Variants in ASB11 observed in about 807,000 individuals in gnomAD.
The protein encoded by ASB11 is ankyrin repeat and SOCS box containing 11.
In ASB11, 17 loss-of-function variants were observed where a neutral mutation model predicts 20.1. The ratio of observed to expected loss-of-function variants is 0.85; its 90% CI spans 0.58 to 1.27. The LOEUF is 1.27. Ranked by LOEUF, ASB11 falls within the 50% of genes most tolerant of loss-of-function variation. The pLI, the probability that ASB11 is intolerant of heterozygous loss-of-function variation, is 0.00. For synonymous variants in ASB11, 107 were observed against 105.6 expected (o/e 1.01, Z -0.08); for missense variants, 259 against 256.9 (o/e 1.01, Z -0.06).
chrX:15,308,947 C>T (rs756260861), intron 1 of ASB11, among the ~76,000 whole-genome samples: 1 of 111,053 alleles, frequency 9.0e-6, no homozygotes, highest in Non-Finnish European at 1.9e-5. Context: ...GATGGAGTCT[C>T]GCTCTGTCCC....
intron 1 of ASB11, among the ~76,000 whole-genome samples, chrX:15,313,936 CA>C (rs1165100534): frequency 9.1e-6 from 1 of 109,435 alleles, no homozygotes; most frequent in Non-Finnish European, 1.9e-5. Context: ...CCTGTAATCC[CA>C]GCTACTCAGG....
intron 4 of ASB11, among the ~76,000 whole-genome samples, chrX:15,292,249 A>T (rs1927554805): frequency 8.9e-6 from 1 of 112,049 alleles, no homozygotes; most frequent in African/African-American, 3.2e-5. Context: ...AAAAATTGGC[A>T]AGTGACATGT....
intron 4 of ASB11, chrX:15,292,107 C>T (rs1327872830): frequency 9.1e-6 from 1 of 109,784 alleles, no homozygotes; most frequent in African/African-American, 3.3e-5. Context: ...ACTTAAAGGA[C>T]TTACATGATG....
Position 15,297,825 on chromosome X carries a change from C to A in ASB11, c.262-144G>T. The A allele has an allele frequency of 1.6e-5, 8 of 504,009 alleles. No homozygotes were observed. The South Asian group carries it at 1.9e-4, about 12-fold the overall frequency. The allele number at this position is 504,009 out of a possible 1,213,427, so 41.5% of individuals were successfully genotyped here. A position where few individuals can be genotyped will look rare whatever the true frequency, so the allele number is the denominator to read the frequency against. On this transcript the variant is annotated intron_variant, in intron 2 of 6. Coordinates refer to ENST00000480796, the MANE Select transcript of ASB11 (RefSeq NM_080873.3). ...AGCTGGGATTTCAAGTGCAAGCCAC[C>A]AAGCCCAGCAGAAGAGAGTGAAATA...
intron 1 of ASB11, among the ~76,000 whole-genome samples, chrX:15,303,242 G>A (rs1004274352): frequency 1.1e-4 from 12 of 111,221 alleles, no homozygotes; most frequent in African/African-American, 3.6e-4. Flanking sequence ...GAGACTCTAA[G>A]GCAGGGGTGT....
intron 2 of ASB11, among the ~76,000 whole-genome samples, chrX:15,299,975 TC>T (rs753601440): frequency 8.9e-6 from 1 of 112,113 alleles, no homozygotes; most frequent in South Asian, 3.7e-4. Context: ...TCATAAGGCC[TC>T]TTTTTGACTC....
At chrX:15,311,923 A>G (rs1275604601) in intron 1 of ASB11, among the ~76,000 whole-genome samples, 1 of 111,932 alleles carries the variant, frequency 8.9e-6, no homozygotes, top group African/African-American at 3.2e-5. Flanking sequence ...GCTGTGCAAT[A>G]GACAGTATGC....
Position 15,307,884 on chromosome X carries a change from AAG to A in ASB11, c.182-5079_182-5078del, listed in dbSNP as rs779028107. Among the ~76,000 whole-genome samples, 123 of 112,222 alleles carry A rather than the reference AAG, an allele frequency of 1.1e-3. 1 individual carries two copies. The highest frequency in any genetic ancestry group is 2.0e-3 in the Non-Finnish European group (105 of 53,160). On this transcript the variant is annotated intron_variant, in intron 1 of 6. Coordinates refer to ENST00000480796, the MANE Select transcript of ASB11 (RefSeq NM_080873.3). ...TCTGTATTTACATCATACTTTCATG[AAG>A]AGTTTCTAAAGTAACACAGACTAGC...
chrX:15,302,855 G>T, intron 1 of ASB11, 48 bp from the exon 2 acceptor site: 1 of 1,102,836 alleles, frequency 9.1e-7, no homozygotes, highest in Non-Finnish European at 1.3e-6. Flanking sequence ...ACTTCTTCCT[G>T]TAACTTGTCC....
chrX:15,297,157 C>T (rs769592346), intron 3 of ASB11, among the ~76,000 whole-genome samples: 9 of 111,952 alleles, frequency 8.0e-5, no homozygotes, highest in Admixed American at 4.7e-4. Flanking sequence ...CCGGGCGTGG[C>T]GGCGTGTGCC....
intron 1 of ASB11, among the ~76,000 whole-genome samples, chrX:15,306,783 G>C (rs1343429136): frequency 8.9e-6 from 1 of 112,291 alleles, no homozygotes; most frequent in Admixed American, 9.5e-5. Flanking sequence ...ATGAGACAAT[G>C]TATGCATATA....
At chrX:15,302,212 C>T (rs1388177152) in intron 2 of ASB11, among the ~76,000 whole-genome samples, 1 of 111,482 alleles carries the variant, frequency 9.0e-6, no homozygotes, top group Non-Finnish European at 1.9e-5. Flanking sequence ...CGCCTTGAGC[C>T]ATGAGATGAC....
At position 15,286,662 on chromosome X, in the gene ASB11, T is replaced by C. The variant is rs1927394989; in HGVS notation, c.847+1219A>G. On this transcript the variant is annotated intron_variant, in intron 6 of 6. Coordinates refer to ENST00000480796, the MANE Select transcript of ASB11 (RefSeq NM_080873.3). ...CCTGGAGACAGAGTGAGACTCCATCTCAAAAAAAAAAAAAAAAAAAAAAGT... is the reference window on the plus strand; with the variant it reads ...CCTGGAGACAGAGTGAGACTCCATCCCAAAAAAAAAAAAAAAAAAAAAAGT... 1.1e-4 allele frequency among the ~76,000 whole-genome samples: 4 copies of C among 37,072 alleles called. No homozygotes were observed. In the East Asian group the frequency reaches 3.8e-3, roughly 35 times the overall value. The allele number at this position is 37,072 out of a possible 115,157, so 32.2% of individuals were successfully genotyped here.
intron 1 of ASB11, among the ~76,000 whole-genome samples, chrX:15,314,751 A>C (rs1921560590): frequency 9.1e-6 from 1 of 109,791 alleles, no homozygotes; most frequent in Non-Finnish European, 1.9e-5. Flanking sequence ...GGGATATCTG[A>C]CTCATTTACT....
At chrX:15,286,027 C>T (rs866412862) in intron 6 of ASB11, among the ~76,000 whole-genome samples, 2 of 108,019 alleles carry the variant, frequency 1.9e-5, no homozygotes, top group African/African-American at 3.5e-5. Context: ...ATAATAATAA[C>T]AATAATAATA....
At chrX:15,313,367 C>G (rs2081964862) in intron 1 of ASB11, among the ~76,000 whole-genome samples, 1 of 110,409 alleles carries the variant, frequency 9.1e-6, no homozygotes, top group Non-Finnish European at 1.9e-5. Context: ...CCACTGAACT[C>G]CAGCCTGGGT....
At chrX:15,297,406 G>C (rs752884454) in intron 3 of ASB11, among the ~76,000 whole-genome samples, 168 bp downstream of exon 3, 71 of 112,088 alleles carry the variant, frequency 6.3e-4, no homozygotes, top group African/African-American at 2.2e-3. Flanking sequence ...TACACACAGG[G>C]GGGTAAGTTG....
chrX:15,304,769 G>A (rs1464701724), intron 1 of ASB11, among the ~76,000 whole-genome samples: 1 of 111,761 alleles, frequency 8.9e-6, no homozygotes, highest in Non-Finnish European at 1.9e-5. Context: ...CAGCTACTCA[G>A]GAGGCTGAGG....
At chrX:15,308,066 A>T (rs945520991) in intron 1 of ASB11, among the ~76,000 whole-genome samples, 2 of 111,417 alleles carry the variant, frequency 1.8e-5, no homozygotes, top group African/African-American at 6.5e-5. Context: ...CTAGGGTCCA[A>T]CCCTTTAGTG....
Sources: allele counts gnomAD v4.1 joint callset (sites outside exome capture counted in the v4.1 genomes callset), GRCh38; gene constraint gnomAD v4.1.1; transcripts MANE v1.5; gene names NCBI Gene and HGNC (gene_info 2026-07-23, HGNC 2026-07-21).